ERC1: variants seen among roughly 807,000 people sequenced by gnomAD.
The protein encoded by ERC1 is RAB6 interacting protein 2.
ERC1 carries 56 observed loss-of-function variants against 132.0 expected under a neutral mutation model. The ratio of observed to expected loss-of-function variants is 0.42; its 90% CI spans 0.34 to 0.53. The LOEUF is 0.53. Among genes scored for constraint, ERC1 ranks in the 20% least tolerant of loss-of-function variants. The probability of loss-of-function intolerance (pLI) is 0.03; values close to 1 mark genes in which losing one functional copy is unlikely to be tolerated. For missense variants in ERC1, 1,202 were observed against 1,349.9 expected (o/e 0.89, Z 1.72); for synonymous variants, 478 against 476.1 (o/e 1.00, Z -0.05).
chr12:1,188,143 AATC>A (rs1955317558), intron 11 of ERC1, among the ~76,000 whole-genome samples: 1 of 152,186 alleles, frequency 6.6e-6, no homozygotes, highest in South Asian at 2.1e-4. Flanking sequence ...TTGTTTACAC[AATC>A]ATCTTTTGTG....
chr12:1,451,528 G>A (rs2093425209), intron 18 of ERC1, among the ~76,000 whole-genome samples: 1 of 152,176 alleles, frequency 6.6e-6, no homozygotes, highest in Non-Finnish European at 1.5e-5. Context: ...GGGAGGCCCA[G>A]GTGGGAGGAT....
At chr12:1,431,851 A>G (rs1443756009) in intron 17 of ERC1, among the ~76,000 whole-genome samples, 1 of 152,196 alleles carries the variant, frequency 6.6e-6, no homozygotes, top group African/African-American at 2.4e-5. Flanking sequence ...GAAATTGGCA[A>G]ACATTTTTTA....
At chr12:1,388,010 C>G (rs7970436) in intron 16 of ERC1, among the ~76,000 whole-genome samples, 79,115 of 151,944 alleles carry the variant, frequency 0.52, 23,796 homozygotes, top group African/African-American at 0.83. Flanking sequence ...AAGACAGCCT[C>G]GGGGCAGAAG....
intron 17 of ERC1, among the ~76,000 whole-genome samples, chr12:1,424,132 G>A (rs2092529532): frequency 1.3e-5 from 2 of 152,136 alleles, no homozygotes; most frequent in Non-Finnish European, 2.9e-5. Context: ...ACTTCAGGAA[G>A]TTAGTTACCT....
At chr12:1,007,981 C>A (rs1964017340) in intron 1 of ERC1, among the ~76,000 whole-genome samples, 2 of 152,158 alleles carry the variant, frequency 1.3e-5, no homozygotes, top group African/African-American at 4.8e-5. Context: ...CAGCAGTGGT[C>A]TGCAGTTTTT....
At chr12:1,290,076 T>C (rs2079332863) in intron 15 of ERC1, 64 bp downstream of exon 15, 2 of 1,414,888 alleles carry the variant, frequency 1.4e-6, no homozygotes, top group African/African-American at 2.8e-5. Flanking sequence ...CTCCCTGCAT[T>C]CATCTTCTGG....
At chr12:1,052,542 A>G (rs1196242001) in intron 2 of ERC1, among the ~76,000 whole-genome samples, 1 of 152,216 alleles carries the variant, frequency 6.6e-6, no homozygotes, top group African/African-American at 2.4e-5. Flanking sequence ...ATAACACCGA[A>G]GAGAAAATAG....
At chr12:1,408,042 C>A in intron 16 of ERC1, 107 bp from the exon 17 acceptor site, 1 of 701,306 alleles carries the variant, frequency 1.4e-6, no homozygotes, top group Non-Finnish European at 2.4e-6. Flanking sequence ...TTATTGCAGA[C>A]AGGATTAGTT....
intron 1 of ERC1, among the ~76,000 whole-genome samples, chr12:1,025,728 C>T (rs1294079284): frequency 2.0e-5 from 3 of 151,378 alleles, no homozygotes; most frequent in Non-Finnish European, 4.4e-5. Context: ...CATTTCCTCA[C>T]TGTATTAGTC....
At chr12:1,314,649 T>G (rs1449681948) in intron 15 of ERC1, among the ~76,000 whole-genome samples, 1 of 152,230 alleles carries the variant, frequency 6.6e-6, no homozygotes, top group Admixed American at 6.5e-5. Context: ...TTCTTTACTG[T>G]AGTAATTTGT....
At chr12:1,163,959 G>T (rs561354610) in intron 8 of ERC1, among the ~76,000 whole-genome samples, 1 of 152,086 alleles carries the variant, frequency 6.6e-6, no homozygotes, top group South Asian at 2.1e-4. Context: ...CAAGTGATCC[G>T]CCTGTCATGG....
At chr12:1,129,860 G>A (rs1355844313) in intron 7 of ERC1, among the ~76,000 whole-genome samples, 1 of 151,878 alleles carries the variant, frequency 6.6e-6, no homozygotes, top group African/African-American at 2.4e-5. Context: ...AGATGAAAAG[G>A]CATTAATGTA....
intron 2 of ERC1, among the ~76,000 whole-genome samples, chr12:1,061,699 G>A (rs970545754): frequency 3.7e-5 from 5 of 135,224 alleles, no homozygotes; most frequent in Admixed American, 1.4e-4. Context: ...TAATCTAATT[G>A]AATCTCTCTC....
At chr12:1,193,261 C>T (rs1467335161) in intron 12 of ERC1, among the ~76,000 whole-genome samples, 4 of 152,116 alleles carry the variant, frequency 2.6e-5, no homozygotes, top group Non-Finnish European at 5.9e-5. Context: ...TGTTGTCCTA[C>T]TCTCTTGACC....
At chr12:1,395,047 T>C (rs773020934) in intron 16 of ERC1, among the ~76,000 whole-genome samples, 5 of 152,232 alleles carry the variant, frequency 3.3e-5, no homozygotes, top group Non-Finnish European at 5.9e-5. Context: ...ATTCTGTTCT[T>C]TGAGAACAGA....
chr12:1,071,138 TA>T (rs1462475417), intron 2 of ERC1, among the ~76,000 whole-genome samples: 1 of 152,262 alleles, frequency 6.6e-6, no homozygotes, highest in Non-Finnish European at 1.5e-5. Context: ...TTTTGGCTCT[TA>T]TAGATAAAAC....
At chr12:1,115,683 G>A in intron 6 of ERC1, 183 bp from the exon 7 acceptor site, 1 of 445,404 alleles carries the variant, frequency 2.2e-6, no homozygotes, top group Admixed American at 4.0e-5. Context: ...TAAGTTTAGT[G>A]GTTTTTTTTG....
At chr12:1,078,984 A>G (rs1376390617) in intron 2 of ERC1, among the ~76,000 whole-genome samples, 1 of 152,066 alleles carries the variant, frequency 6.6e-6, no homozygotes, top group Non-Finnish European at 1.5e-5. Context: ...AAAGATACAG[A>G]TAGAAATGAT....
At chr12:1,031,429 T>G (rs1210664257) in intron 2 of ERC1, among the ~76,000 whole-genome samples, 2 of 152,212 alleles carry the variant, frequency 1.3e-5, no homozygotes, top group African/African-American at 2.4e-5. Context: ...AATCGTTATT[T>G]TTAATGCCTC....
Sources: allele counts gnomAD v4.1 joint callset (sites outside exome capture counted in the v4.1 genomes callset), GRCh38; gene constraint gnomAD v4.1.1; transcripts MANE v1.5; gene names NCBI Gene and HGNC (gene_info 2026-07-23, HGNC 2026-07-21).